IMMP2L: variants seen among roughly 807,000 people sequenced by gnomAD.
The protein encoded by IMMP2L is mitochondrial inner membrane protease subunit 2.
Under a neutral mutation model 19.3 loss-of-function variants are expected in IMMP2L, and 18 were observed. The observed-to-expected ratio is 0.93, with a 90% CI of 0.64 to 1.38. The LOEUF (loss-of-function observed/expected upper bound fraction) is 1.38. Ranked by LOEUF, IMMP2L falls within the 40% of genes most tolerant of loss-of-function variation. The probability of loss-of-function intolerance (pLI) is 0.00; values close to 1 mark genes in which losing one functional copy is unlikely to be tolerated. For synonymous variants in IMMP2L, 76 were observed against 73.0 expected, an observed-to-expected ratio of 1.04 and a Z score of -0.21; for missense variants, 233 against 218.2, an observed-to-expected ratio of 1.07 and a Z score of -0.43.
chr7:111,316,494 T>C (rs1490262164), intron 3 of IMMP2L, among the ~76,000 whole-genome samples: 2 of 152,134 alleles, frequency 1.3e-5, no homozygotes, highest in Non-Finnish European at 2.9e-5. Context: ...TATTTAGCCA[T>C]GAATAAATTA....
At chr7:111,310,756 T>C (rs1435333610) in intron 3 of IMMP2L, among the ~76,000 whole-genome samples, 1 of 152,162 alleles carries the variant, frequency 6.6e-6, no homozygotes, top group Non-Finnish European at 1.5e-5. Context: ...CTTGTAATCC[T>C]GGCTAATTGA....
chr7:110,930,174 T>C (rs1187530179), intron 4 of IMMP2L, among the ~76,000 whole-genome samples: 3 of 152,184 alleles, frequency 2.0e-5, no homozygotes, highest in Non-Finnish European at 4.4e-5. Flanking sequence ...ATTATTCTGC[T>C]GAAGCCTTTA....
intron 3 of IMMP2L, among the ~76,000 whole-genome samples, chr7:111,273,746 C>A (rs1818729512): frequency 6.6e-6 from 1 of 151,826 alleles, no homozygotes; most frequent in South Asian, 2.1e-4. Context: ...AAAATCATAG[C>A]CAAAACCACA....
In IMMP2L at chr7:111,423,039, G is replaced by A. The variant is rs181016792; in HGVS notation, c.239+64199C>T. On this transcript the variant is annotated intron_variant, in intron 3 of 5. Coordinates refer to ENST00000405709, the MANE Select transcript of IMMP2L (RefSeq NM_032549.4). ...TTACGTTTATTGATTTGCATATATT[G>A]AACCAGCCTTGCATCCCAGGGATGA... Among the ~76,000 whole-genome samples, 7 of 151,926 alleles carry A rather than the reference G, an allele frequency of 4.6e-5. No homozygotes were observed. The East Asian group carries it at 1.4e-3, about 29-fold the overall frequency.
chr7:111,464,772 C>T (rs1357856210), intron 3 of IMMP2L, among the ~76,000 whole-genome samples: 1 of 152,068 alleles, frequency 6.6e-6, no homozygotes. Flanking sequence ...ACAAAAAACA[C>T]AGCCAACTCT....
At chr7:111,115,036 T>C (rs1199840374) in intron 3 of IMMP2L, among the ~76,000 whole-genome samples, 1 of 152,134 alleles carries the variant, frequency 6.6e-6, no homozygotes, top group African/African-American at 2.4e-5. Context: ...AAGATGATTA[T>C]ACTTCAATCT....
At chr7:111,437,063 A>G (rs1358490477) in intron 3 of IMMP2L, among the ~76,000 whole-genome samples, 1 of 151,820 alleles carries the variant, frequency 6.6e-6, no homozygotes, top group African/African-American at 2.4e-5. Context: ...TTATATTTCA[A>G]CATGAGATTT....
chr7:110,867,427 T>G (rs747518026), intron 5 of IMMP2L, among the ~76,000 whole-genome samples: 1 of 152,048 alleles, frequency 6.6e-6, no homozygotes, highest in African/African-American at 2.4e-5. Flanking sequence ...ATTCAGTGCA[T>G]AGCAGTGAGA....
intron 4 of IMMP2L, among the ~76,000 whole-genome samples, chr7:110,961,537 A>G (rs1012243553): frequency 6.6e-6 from 1 of 151,550 alleles, no homozygotes; most frequent in Non-Finnish European, 1.5e-5. Context: ...ACCCATGGAT[A>G]CAGAGGGCCA....
intron 3 of IMMP2L, among the ~76,000 whole-genome samples, chr7:110,983,809 G>A (rs1205289220): frequency 2.6e-5 from 4 of 151,834 alleles, no homozygotes; most frequent in South Asian, 2.1e-4. Context: ...GGAAGAGAAT[G>A]GGAAAAAGGC....
intron 3 of IMMP2L, among the ~76,000 whole-genome samples, chr7:111,192,250 C>A (rs1290316249): frequency 6.6e-6 from 1 of 151,904 alleles, no homozygotes; most frequent in Admixed American, 6.6e-5. Flanking sequence ...AGCTCATATT[C>A]CCATATATTA....
intron 5 of IMMP2L, among the ~76,000 whole-genome samples, chr7:110,813,746 G>A (rs1186605135): frequency 2.6e-4 from 3 of 11,732 alleles, no homozygotes; most frequent in East Asian, 3.1e-3. Context: ...AAACACACCA[G>A]GATTTTTTTT....
At chr7:110,695,304 G>A (rs900850320) in intron 5 of IMMP2L, among the ~76,000 whole-genome samples, 6 of 151,950 alleles carry the variant, frequency 3.9e-5, no homozygotes, top group African/African-American at 7.3e-5. Flanking sequence ...CTGTCCCCCC[G>A]CCTTAGCCTC....
chr7:110,732,374 A>G (rs1796328073), intron 5 of IMMP2L, among the ~76,000 whole-genome samples: 1 of 152,218 alleles, frequency 6.6e-6, no homozygotes, highest in South Asian at 2.1e-4. Flanking sequence ...GAAGAATACA[A>G]AGACCTAAAA....
At chr7:110,827,764 C>T (rs991379902) in intron 5 of IMMP2L, among the ~76,000 whole-genome samples, 3 of 152,112 alleles carry the variant, frequency 2.0e-5, no homozygotes, top group Non-Finnish European at 4.4e-5. Context: ...CCTTCACATA[C>T]TTGAATACAG....
chr7:110,819,924 C>T (rs1802875522), intron 5 of IMMP2L, among the ~76,000 whole-genome samples: 1 of 152,018 alleles, frequency 6.6e-6, no homozygotes. Flanking sequence ...ATCTTTTAAA[C>T]AATATTTACA....
chr7:110,925,235 T>C (rs773166836), intron 4 of IMMP2L, among the ~76,000 whole-genome samples: 3 of 152,134 alleles, frequency 2.0e-5, no homozygotes, highest in Non-Finnish European at 2.9e-5. Context: ...CAGTTGAACA[T>C]ATATTTGGAT....
chr7:111,556,015 C>CATATATATATATATATATAT (rs1491205083), intron 1 of IMMP2L, among the ~76,000 whole-genome samples: 3 of 13,314 alleles, frequency 2.3e-4, no homozygotes, highest in African/African-American at 3.2e-4. Flanking sequence ...CTTCTGTGTG[C>CATATATATATATATATATAT]ATGTATATAT....
At chr7:110,977,135 CGGTCATTA>C (rs1820776994) in intron 3 of IMMP2L, among the ~76,000 whole-genome samples, 1 of 151,832 alleles carries the variant, frequency 6.6e-6, no homozygotes, top group African/African-American at 2.4e-5. Context: ...TTATTTCTTA[CGGTCATTA>C]ATTCATTCAG....
Sources: allele counts gnomAD v4.1 joint callset (sites outside exome capture counted in the v4.1 genomes callset), GRCh38; gene constraint gnomAD v4.1.1; transcripts MANE v1.5; gene names NCBI Gene and HGNC (gene_info 2026-07-23, HGNC 2026-07-21).